The following DPP10 variants were observed in gnomAD, a reference collection of about 807,000 sequenced individuals.
DPP10 encodes the protein dipeptidyl peptidase like 10, also known as inactive dipeptidyl peptidase 10.
A neutral mutation model predicts 120.9 loss-of-function variants in DPP10; 33 were observed. The observed-to-expected ratio is 0.27, with a 90% CI of 0.21 to 0.37. DPP10 has a LOEUF of 0.37. Ranked by LOEUF, DPP10 falls within the 10% of genes least tolerant of loss-of-function variation. DPP10 has a pLI of 1.00. For missense variants in DPP10, 816 were observed against 942.8 expected (o/e 0.87, Z 1.76); for synonymous variants, 337 against 326.1 (o/e 1.03, Z -0.36).
chr2:115,268,465 T>C (rs1362828358), intron 1 of DPP10, among the ~76,000 whole-genome samples: 6 of 152,196 alleles, frequency 3.9e-5, no homozygotes, highest in Non-Finnish European at 8.8e-5. Flanking sequence ...TCATGCGACT[T>C]CCTAAAATAC....
intron 7 of DPP10, among the ~76,000 whole-genome samples, chr2:115,717,307 A>G (rs1207490296): frequency 1.3e-5 from 2 of 152,210 alleles, no homozygotes; most frequent in Admixed American, 1.3e-4. Context: ...TGGGTGCAGC[A>G]CACCAACATG....
At chr2:115,028,202 T>A (rs1333555792) in intron 1 of DPP10, among the ~76,000 whole-genome samples, 1 of 152,114 alleles carries the variant, frequency 6.6e-6, no homozygotes, top group Non-Finnish European at 1.5e-5. Flanking sequence ...CTTGTTTATC[T>A]GAAGTCTTCA....
intron 5 of DPP10, among the ~76,000 whole-genome samples, chr2:115,623,013 G>C (rs1228469927): frequency 4.0e-5 from 6 of 151,506 alleles, no homozygotes; most frequent in Non-Finnish European, 7.4e-5. Context: ...TGACTAACTT[G>C]GTTTTGTATT....
chr2:115,417,807 T>G (rs1403581805), intron 3 of DPP10, among the ~76,000 whole-genome samples: 1 of 152,214 alleles, frequency 6.6e-6, no homozygotes, highest in Non-Finnish European at 1.5e-5. Flanking sequence ...GTTAAAACAT[T>G]TGTCTTTTCC....
At chr2:115,477,949 G>C (rs1391768473) in intron 3 of DPP10, among the ~76,000 whole-genome samples, 1 of 152,136 alleles carries the variant, frequency 6.6e-6, no homozygotes, top group Non-Finnish European at 1.5e-5. Context: ...GAAGGAAAAA[G>C]GGTAGCTGGC....
rs139416870 is a variant in DPP10 at position 115,391,153 on chromosome 2, T to C, written c.271+47241T>C. 7.1e-3 allele frequency among the ~76,000 whole-genome samples: 1,078 copies of C among 152,312 alleles called. 13 individuals are homozygous for C. Among genetic ancestry groups the C allele is most frequent in the African/African-American group, 0.025 (1,035 of 41,582 alleles). ...CAGTGGAAATCAAATGCATGACTTATCAACATAATCATTTTTGGATAGTAT... is the reference window on the plus strand; with the variant it reads ...CAGTGGAAATCAAATGCATGACTTACCAACATAATCATTTTTGGATAGTAT... On this transcript the variant is annotated intron_variant, in intron 3 of 25. Transcript: ENST00000410059.
chr2:115,831,378 A>G (rs915424579), intron 21 of DPP10, among the ~76,000 whole-genome samples: 7 of 152,002 alleles, frequency 4.6e-5, no homozygotes, highest in African/African-American at 1.7e-4. Flanking sequence ...CCTCCTGAGT[A>G]GCTGGGATTA....
At chr2:115,352,266 A>G (rs2064083339) in intron 3 of DPP10, among the ~76,000 whole-genome samples, 1 of 152,100 alleles carries the variant, frequency 6.6e-6, no homozygotes, top group Non-Finnish European at 1.5e-5. Flanking sequence ...TAAAATAAGA[A>G]AAAAAAGCTT....
intron 1 of DPP10, among the ~76,000 whole-genome samples, chr2:114,738,401 G>C (rs962482677): frequency 3.3e-5 from 5 of 152,150 alleles, no homozygotes; most frequent in African/African-American, 1.2e-4. Flanking sequence ...TTCTCTCACT[G>C]CTATGGGACA....
intron 1 of DPP10, among the ~76,000 whole-genome samples, chr2:114,544,827 T>C (rs1455137979): frequency 6.6e-6 from 1 of 152,104 alleles, no homozygotes; most frequent in African/African-American, 2.4e-5. Flanking sequence ...ATTATGTAAA[T>C]GTAGTTCATT....
intron 1 of DPP10, among the ~76,000 whole-genome samples, chr2:114,661,872 A>G (rs1697429535): frequency 6.6e-6 from 1 of 152,188 alleles, no homozygotes; most frequent in Non-Finnish European, 1.5e-5. Flanking sequence ...TAATAAAATA[A>G]TAACACAGGA....
At chr2:115,602,672 C>G (rs1274633419) in intron 5 of DPP10, among the ~76,000 whole-genome samples, 1 of 152,048 alleles carries the variant, frequency 6.6e-6, no homozygotes, top group Non-Finnish European at 1.5e-5. Flanking sequence ...AAAAAATACA[C>G]CTGTTTGCAA....
intron 7 of DPP10, among the ~76,000 whole-genome samples, chr2:115,719,206 G>T (rs779795225): frequency 1.3e-5 from 2 of 152,052 alleles, no homozygotes; most frequent in South Asian, 2.1e-4. Flanking sequence ...CCTAAAAAGC[G>T]TGGATTAAAA....
At chr2:115,222,412 A>AG (rs1167328974) in intron 1 of DPP10, among the ~76,000 whole-genome samples, 2 of 152,104 alleles carry the variant, frequency 1.3e-5, no homozygotes, top group African/African-American at 4.8e-5. Context: ...ATCATGGGGC[A>AG]GGTCTTCTCA....
intron 5 of DPP10, among the ~76,000 whole-genome samples, chr2:115,657,802 T>G (rs2088525573): frequency 6.6e-6 from 1 of 151,942 alleles, no homozygotes; most frequent in Admixed American, 6.6e-5. Context: ...TGTTAATGGC[T>G]ACTGAAAATA....
intron 1 of DPP10, among the ~76,000 whole-genome samples, chr2:114,683,729 C>T (rs1423540335): frequency 1.3e-5 from 2 of 151,858 alleles, no homozygotes; most frequent in African/African-American, 2.4e-5. Flanking sequence ...TACTTGAGGA[C>T]AGTGCAGCTC....
intron 1 of DPP10, among the ~76,000 whole-genome samples, chr2:115,000,362 T>C (rs11123267): frequency 0.53 from 80,333 of 151,950 alleles, 22,111 homozygotes; most frequent in East Asian, 0.65. Context: ...AGGAAAATTC[T>C]TACCACTGAT....
In DPP10 at chr2:115,443,235, T is replaced by C. The variant is rs142071794; in HGVS notation, c.272-56275T>C. ...ACGATTTGAGCACAGTTTTGTTGACTGATGCTTTCAACTTTCAAGGCAGAA... is the reference window on the plus strand; with the variant it reads ...ACGATTTGAGCACAGTTTTGTTGACCGATGCTTTCAACTTTCAAGGCAGAA... On this transcript the variant is annotated intron_variant, in intron 3 of 25. Transcript: ENST00000410059. Among the ~76,000 whole-genome samples, 132 of 152,294 alleles carry C rather than the reference T, an allele frequency of 8.7e-4. 2 individuals are homozygous for C. In the East Asian group the frequency reaches 0.016, roughly 19 times the overall value.
At chr2:114,664,261 G>C (rs1697720395) in intron 1 of DPP10, among the ~76,000 whole-genome samples, 1 of 151,742 alleles carries the variant, frequency 6.6e-6, no homozygotes, top group African/African-American at 2.4e-5. Flanking sequence ...TTAACAAGAA[G>C]CATGTGGATA....
Sources: gnomAD v4.1 joint callset for allele counts (sites outside exome capture counted in the v4.1 genomes callset) on GRCh38, gnomAD v4.1.1 for gene constraint, MANE v1.5 for transcripts, NCBI Gene and HGNC (gene_info 2026-07-23, HGNC 2026-07-21) for gene names.